The following NTRK1 variants were observed in gnomAD, a reference collection of about 807,000 sequenced individuals.
NTRK1 encodes neurotrophic receptor tyrosine kinase 1.
NTRK1 carries 62 observed loss-of-function variants against 86.8 expected under a neutral mutation model. That is an observed-to-expected ratio of 0.71 (90% CI 0.58 to 0.88). The LOEUF (loss-of-function observed/expected upper bound fraction) is 0.88, where lower values mean the gene tolerates loss of function less well. NTRK1 is among the 40% of genes least tolerant of loss of function. The pLI is 0.00. For missense variants in NTRK1, 967 were observed against 1,078.4 expected, an observed-to-expected ratio of 0.90 and a Z score of 1.45; for synonymous variants, 469 against 456.6, an observed-to-expected ratio of 1.03 and a Z score of -0.35.
intron 1 of NTRK1, chr1:156,841,973 A>G: frequency 6.4e-7 from 1 of 1,552,020 alleles, no homozygotes; most frequent in Admixed American, 1.8e-5. Context: ...CTTGGACAAG[A>G]GACTAAGATA....
intron 1 of NTRK1, chr1:156,816,727 G>T (rs1279086246): frequency 1.3e-6 from 2 of 1,591,622 alleles, no homozygotes; most frequent in Non-Finnish European, 1.7e-6. Flanking sequence ...CCTCACAAGG[G>T]ATCCCAGAGC....
At chr1:156,851,514 C>T (rs770677665) in intron 2 of NTRK1, 20 of 1,602,564 alleles carry the variant, frequency 1.2e-5, no homozygotes, top group Middle Eastern at 1.6e-4. Context: ...ATGGGGGCCC[C>T]GGGAAGGTGG....
chr1:156,851,807 T>C, intron 2 of NTRK1: 1 of 1,600,178 alleles, frequency 6.2e-7, no homozygotes, highest in South Asian at 1.1e-5. Context: ...AGCAAGCAGA[T>C]GTCCTGAGCC....
intron 2 of NTRK1, chr1:156,852,104 T>G (rs1571670497): frequency 6.2e-7 from 1 of 1,613,526 alleles, no homozygotes; most frequent in Non-Finnish European, 8.5e-7. Flanking sequence ...GGCACGAGGG[T>G]CTTCTGGCTG....
chr1:156,874,383 TCTC>T lies in NTRK1; in HGVS notation c.1181_1183del (p.Ser394del). The T allele has an allele frequency of 6.2e-7, 1 of 1,614,102 alleles. No individual in the cohort carries two copies. The highest frequency in any genetic ancestry group is 8.5e-7 in the Non-Finnish European group (1 of 1,180,012). On this transcript the variant is annotated inframe_deletion and splice_region_variant, in exon 9 of 17. Coordinates refer to ENST00000524377, the MANE Select transcript of NTRK1 (RefSeq NM_002529.4). ...CTTTCTCTCCTCCCTCCTGCTGCAG[TCTC>T]CTTCTCGCCGGTGGGTGAGTAGCCC...
At chr1:156,877,645 T>C (rs1423723731) in intron 14 of NTRK1, among the ~76,000 whole-genome samples, 2 of 152,248 alleles carry the variant, frequency 1.3e-5, no homozygotes, top group Non-Finnish European at 2.9e-5. Flanking sequence ...TGAGCCTTCT[T>C]TGCCAAGTAG....
upstream of NTRK1, chr1:156,858,708 G>T: frequency 1.8e-6 from 2 of 1,137,048 alleles, no homozygotes; most frequent in Non-Finnish European, 2.7e-6. Context: ...GGGACACAGA[G>T]ACCAGGGTTC....
intron 2 of NTRK1, among the ~76,000 whole-genome samples, chr1:156,842,782 C>T (rs1654846603): frequency 6.6e-6 from 1 of 152,148 alleles, no homozygotes; most frequent in African/African-American, 2.4e-5. Flanking sequence ...ATATTGAGCC[C>T]CAATCATGAC....
In NTRK1 at chr1:156,879,040, C is replaced by T. The variant is rs144200331; in HGVS notation, c.1806-82C>T. 10,500 of 1,534,658 alleles carry T rather than the reference C, an allele frequency of 6.8e-3. 56 individuals are homozygous for T. The highest frequency in any genetic ancestry group is 7.8e-3 in the Non-Finnish European group (8,752 of 1,122,996). On this transcript the variant is annotated intron_variant, in intron 14 of 16. Transcript: ENST00000524377. ...GTCCCCAGTCTCCTCTCCCATCACA[C>T]GCGGCTGCTGGGGATCGCCTTCCTC... is the stretch of plus-strand genomic sequence containing the variant.
chr1:156,847,394 C>T (rs1655049463), intron 2 of NTRK1, among the ~76,000 whole-genome samples: 2 of 152,190 alleles, frequency 1.3e-5, no homozygotes, highest in East Asian at 3.8e-4. Context: ...GGGGAAGCAT[C>T]ACTGGCTTTA....
intron 2 of NTRK1, chr1:156,846,653 C>T: frequency 1.2e-6 from 2 of 1,614,180 alleles, no homozygotes; most frequent in African/African-American, 1.3e-5. Context: ...TAGGGTCACC[C>T]CTGGCTCCTG....
At chr1:156,858,492 G>T, upstream of NTRK1, 9 of 1,512,586 alleles carry the variant, frequency 6.0e-6, no homozygotes, top group Non-Finnish European at 7.4e-6. Flanking sequence ...CTCCCAGCTG[G>T]CTGGGAGGGA....
intron 7 of NTRK1, among the ~76,000 whole-genome samples, chr1:156,872,565 T>C (rs1647622004): frequency 1.3e-5 from 2 of 151,848 alleles, no homozygotes; most frequent in African/African-American, 2.4e-5. Flanking sequence ...CATTGCTAAA[T>C]AGTATTCCTA....
chr1:156,866,889 G>A (rs775795663), intron 3 of NTRK1, 21 bp from the exon 4 acceptor site: 40 of 1,613,772 alleles, frequency 2.5e-5, no homozygotes, highest in Non-Finnish European at 3.2e-5. Flanking sequence ...GGTCTGTCTT[G>A]CTGTGTCTCC....
At chr1:156,838,423 G>C (rs1381245800) in intron 1 of NTRK1, among the ~76,000 whole-genome samples, 3 of 151,894 alleles carry the variant, frequency 2.0e-5, no homozygotes, top group African/African-American at 7.3e-5. Flanking sequence ...AGAGGAGGGG[G>C]ACCAAGACGG....
chr1:156,879,094 C>T (rs1200967141), intron 14 of NTRK1, 28 bp from the exon 15 acceptor site: 1 of 1,612,072 alleles, frequency 6.2e-7, no homozygotes, highest in Non-Finnish European at 8.5e-7. Context: ...TCCTCCCAGC[C>T]TATCCCCTCT....
rs2102905301 is a variant in NTRK1 at position 156,873,746 on chromosome 1, C to G, written c.964C>G (p.Leu322Val). The change falls in exon 8 of 17, where the codon CTC (leucine) becomes GTC (valine). Residue 322 changes from leucine (L) to valine (V), a missense_variant. Coordinates refer to ENST00000524377, the MANE Select transcript of NTRK1 (RefSeq NM_002529.4). ...GCGCTGGCTCTTCAATGGCTCCGTG[C>G]TCAATGAGACCAGCTTCATCTTCAC... Reference protein sequence around the residue: ...SLRWLFNGSVLNETSFIFTEF... With the variant: ...SLRWLFNGSVVNETSFIFTEF... 4 of 1,613,280 alleles carry G rather than the reference C, an allele frequency of 2.5e-6. No homozygotes were observed. The highest frequency in any genetic ancestry group is 3.4e-6 in the Non-Finnish European group (4 of 1,179,778).
In NTRK1 at chr1:156,866,759, A is replaced by G. The variant is rs940325039; in HGVS notation, c.360-151A>G. On this transcript the variant is annotated intron_variant, in intron 3 of 16. Coordinates refer to ENST00000524377, the MANE Select transcript of NTRK1 (RefSeq NM_002529.4). ...CCACCCCCCACCCCACCATCTACAC[A>G]CACTGCCTTCCAGGGCTGGTTCTGG... 5 of 548,614 alleles carry G rather than the reference A, an allele frequency of 9.1e-6. No homozygotes were observed. The Admixed American group carries it at 1.1e-4, about 12-fold the overall frequency. The allele number at this position is 548,614 out of a possible 1,614,324, so 34.0% of individuals were successfully genotyped here. A position where few individuals can be genotyped will look rare whatever the true frequency, so the allele number is the denominator to read the frequency against.
chr1:156,846,555 G>A, intron 2 of NTRK1: 1 of 1,614,144 alleles, frequency 6.2e-7, no homozygotes, highest in Admixed American at 1.7e-5. Flanking sequence ...ATGGGACTCT[G>A]GGCTCCTTGA....
Sources: allele counts gnomAD v4.1 joint callset (sites outside exome capture counted in the v4.1 genomes callset), GRCh38; gene constraint gnomAD v4.1.1; transcripts MANE v1.5; gene names NCBI Gene and HGNC (gene_info 2026-07-23, HGNC 2026-07-21).